Variants in LAMA1 observed in about 807,000 individuals in gnomAD.
LAMA1 encodes laminin subunit alpha 1.
A neutral mutation model predicts 348.7 loss-of-function variants in LAMA1; 219 were observed. The ratio of observed to expected loss-of-function variants is 0.63; its 90% CI spans 0.56 to 0.70. The LOEUF (loss-of-function observed/expected upper bound fraction) is 0.70, where lower values mean the gene tolerates loss of function less well. Ranked by LOEUF, LAMA1 falls within the 30% of genes least tolerant of loss-of-function variation. The probability of loss-of-function intolerance (pLI) is 0.00; values close to 1 mark genes in which losing one functional copy is unlikely to be tolerated. For synonymous variants in LAMA1, 1,487 were observed against 1,491.0 expected (o/e 1.00, Z 0.06); for missense variants, 3,744 against 3,888.0 (o/e 0.96, Z 0.99).
rs1555664140 is a variant in LAMA1 at position 7,078,139 on chromosome 18, A to ATTTTTTTTTTG, written c.345+1835_345+1836insCAAAAAAAAAA. ...TTCAAAGAAGCTCTTTTCTCTTTTT[A>ATTTTTTTTTTG]TTTTTTTTTGTTTTTTATTTTATTT... On this transcript the variant is annotated intron_variant, in intron 3 of 62. Coordinates refer to ENST00000389658, the MANE Select transcript of LAMA1 (RefSeq NM_005559.4). Among the ~76,000 whole-genome samples the ATTTTTTTTTTG allele has an allele frequency of 6.4e-5, 9 of 140,848 alleles. No homozygotes were observed. In the South Asian group the frequency reaches 8.9e-4, roughly 14 times the overall value. 92.4% of individuals were successfully genotyped at this position (140,848 alleles called of 152,430 possible).
chr18:7,008,668 T>C, intron 27 of LAMA1, 60 bp from the exon 28 acceptor site: 5 of 1,590,534 alleles, frequency 3.1e-6, no homozygotes, highest in East Asian at 4.5e-5. Flanking sequence ...TCTAGAAACA[T>C]AGCACATGAC....
At chr18:7,068,228 A>G (rs1598304209) in intron 3 of LAMA1, among the ~76,000 whole-genome samples, 1 of 152,094 alleles carries the variant, frequency 6.6e-6, no homozygotes, top group African/African-American at 2.4e-5. Context: ...CACACTCTAC[A>G]CCACTCAGCA....
chr18:7,097,027 A>G (rs1191821957), intron 1 of LAMA1, among the ~76,000 whole-genome samples: 1 of 152,084 alleles, frequency 6.6e-6, no homozygotes, highest in Non-Finnish European at 1.5e-5. Flanking sequence ...GATTCAGAGC[A>G]GAGCAGAAGC....
At chr18:7,062,266 A>G (rs1305561272) in intron 3 of LAMA1, among the ~76,000 whole-genome samples, 4 of 72,190 alleles carry the variant, frequency 5.5e-5, no homozygotes, top group Admixed American at 1.9e-4. Flanking sequence ...GAAGGCAGAT[A>G]GTCAGGGAAG....
rs2057607201 is a variant in LAMA1 at position 6,961,523 on chromosome 18, C to T, written c.7626+63G>A. 3 of 1,578,980 alleles carry T rather than the reference C, an allele frequency of 1.9e-6. No homozygotes were observed. The South Asian group carries it at 3.4e-5, about 18-fold the overall frequency. On this transcript the variant is annotated intron_variant, in intron 53 of 62. Coordinates refer to ENST00000389658, the MANE Select transcript of LAMA1 (RefSeq NM_005559.4). Reference sequence around the variant, plus strand: ...TAAATGTTTATGAGTCAGTCATTTTCCACTCATTGTTTCCCGAAGTAATTT... The same window carrying T: ...TAAATGTTTATGAGTCAGTCATTTTTCACTCATTGTTTCCCGAAGTAATTT...
At chr18:6,977,341 T>A (rs1012159332) in intron 44 of LAMA1, among the ~76,000 whole-genome samples, 4 of 152,204 alleles carry the variant, frequency 2.6e-5, no homozygotes, top group Admixed American at 6.5e-5. Flanking sequence ...TTATTAAAAC[T>A]AAGTTGGTAA....
intron 57 of LAMA1, chr18:6,953,630 G>A (rs2057560449): frequency 6.6e-6 from 1 of 152,192 alleles, no homozygotes; most frequent in African/African-American, 2.4e-5. Flanking sequence ...GTGACTTTGA[G>A]CAGATGCCTC....
intron 50 of LAMA1, 125 bp downstream of exon 50, chr18:6,965,163 G>A: frequency 8.0e-7 from 1 of 1,249,452 alleles, no homozygotes; most frequent in Non-Finnish European, 1.2e-6. Context: ...AGACAACACT[G>A]GCTTCCAAGT....
intron 55 of LAMA1, chr18:6,957,094 G>A (rs2143995365): frequency 2.7e-6 from 1 of 365,236 alleles, no homozygotes; most frequent in Middle Eastern, 9.6e-4. Context: ...ACACGTTTTT[G>A]TCTCTAGTTC....
chr18:6,994,694 CACACAT>C (rs1424432369), intron 34 of LAMA1, among the ~76,000 whole-genome samples: 15 of 138,868 alleles, frequency 1.1e-4, no homozygotes, highest in East Asian at 5.1e-4. Context: ...CACACACACA[CACACAT>C]ACAAAATTCA....
intron 1 of LAMA1, among the ~76,000 whole-genome samples, chr18:7,104,390 T>C (rs564935460): frequency 4.6e-5 from 7 of 152,274 alleles, no homozygotes; most frequent in African/African-American, 1.7e-4. Context: ...ATAACAAATA[T>C]AGGCAAAACT....
chr18:6,992,355 C>G (rs2057762506), intron 36 of LAMA1, among the ~76,000 whole-genome samples: 1 of 152,246 alleles, frequency 6.6e-6, no homozygotes, highest in African/African-American at 2.4e-5. Flanking sequence ...ATAGATTACA[C>G]TGACTGCACA....
At chr18:7,098,983 G>A (rs1233644707) in intron 1 of LAMA1, among the ~76,000 whole-genome samples, 1 of 152,202 alleles carries the variant, frequency 6.6e-6, no homozygotes, top group Non-Finnish European at 1.5e-5. Context: ...ACAGCTCATT[G>A]AGAACAGGCC....
At chr18:6,956,893 A>G in intron 55 of LAMA1, 128 bp from the exon 56 acceptor site, 5 of 1,004,398 alleles carry the variant, frequency 5.0e-6, no homozygotes, top group South Asian at 1.4e-5. Flanking sequence ...TAGAGTAACC[A>G]AAGTGCCAAT....
intron 1 of LAMA1, among the ~76,000 whole-genome samples, chr18:7,090,830 C>T (rs988358109): frequency 5.3e-5 from 8 of 152,166 alleles, no homozygotes; most frequent in Admixed American, 5.2e-4. Context: ...TTCTTTTCCC[C>T]CCTCATGTGA....
chr18:6,998,691 C>T lies in LAMA1; in HGVS notation c.4663+754G>A, dbSNP rs543742838. Among the ~76,000 whole-genome samples the T allele has an allele frequency of 3.7e-4, 57 of 152,336 alleles. 3 individuals are homozygous for T. The South Asian group carries it at 0.012, about 31-fold the overall frequency. Reference sequence around the variant, plus strand: ...AGAAGACATCCCAAGCTGACTATCTCATGCACTTGCTGGTAGAATAAATCA... The same window carrying T: ...AGAAGACATCCCAAGCTGACTATCTTATGCACTTGCTGGTAGAATAAATCA... On this transcript the variant is annotated intron_variant, in intron 32 of 62. Transcript: ENST00000389658.
chr18:7,080,482 A>G, intron 1 of LAMA1, 25 bp from the exon 2 acceptor site: 1 of 1,612,486 alleles, frequency 6.2e-7, no homozygotes, highest in Non-Finnish European at 8.5e-7. Context: ...TTACCAAATC[A>G]GCTGAGCCAC....
At position 7,037,810 on chromosome 18, in the gene LAMA1, C is replaced by T. The variant is rs1025174988; in HGVS notation, c.1564-59G>A. ...AATAGAACTTACCTTAGATTTCACC[C>T]AGTGCAGCAGTAATATTTTCACAAT... is the stretch of plus-strand genomic sequence containing the variant. On this transcript the variant is annotated intron_variant, in intron 11 of 62. Transcript: ENST00000389658. 4 of 1,514,108 alleles carry T rather than the reference C, an allele frequency of 2.6e-6. No individual in the cohort carries two copies. In the Admixed American group the frequency reaches 6.9e-5, roughly 26 times the overall value. 93.8% of individuals were successfully genotyped at this position (1,514,108 alleles called of 1,614,324 possible).
At chr18:7,062,560 TG>T (rs1382974542) in intron 3 of LAMA1, among the ~76,000 whole-genome samples, 2 of 152,146 alleles carry the variant, frequency 1.3e-5, no homozygotes, top group African/African-American at 4.8e-5. Context: ...TGTTGGTGCC[TG>T]GAAATCATGA....
Sources: gnomAD v4.1 joint callset for allele counts (sites outside exome capture counted in the v4.1 genomes callset) on GRCh38, gnomAD v4.1.1 for gene constraint, MANE v1.5 for transcripts, NCBI Gene and HGNC (gene_info 2026-07-23, HGNC 2026-07-21) for gene names.